Variants in XAGE2 observed in about 807,000 individuals in gnomAD.
XAGE2 encodes G antigen family D member 3.
In XAGE2, 7 loss-of-function variants were observed where a neutral mutation model predicts 9.9. That is an observed-to-expected ratio of 0.71 (90% CI 0.40 to 1.32). The LOEUF is 1.32. XAGE2 is among the 40% of genes most tolerant of loss of function. The probability of loss-of-function intolerance (pLI) is 0.01; values close to 1 mark genes in which losing one functional copy is unlikely to be tolerated. For synonymous variants in XAGE2, 31 were observed against 26.8 expected (o/e 1.16, Z -0.48); for missense variants, 85 against 81.0 (o/e 1.05, Z -0.19).
In XAGE2 at chrX:52,375,619, T is replaced by G; in HGVS notation, c.*28T>G. The G allele has an allele frequency of 8.5e-7, 1 of 1,170,023 alleles. No homozygotes were observed. The highest frequency in any genetic ancestry group is 2.2e-5 in the Admixed American group (1 of 45,337). ...GAAGATAAGCTGAAACAACACAAAC[T>G]GTTTTTATATTAGATATTTTACTTT... On this transcript the variant is annotated 3_prime_UTR_variant, in exon 5 of 5. Transcript: ENST00000286049.
At chrX:52,369,957 A>G in intron 1 of XAGE2, 50 bp from the exon 2 acceptor site, 6 of 1,147,418 alleles carry the variant, frequency 5.2e-6, no homozygotes, top group Non-Finnish European at 7.2e-6. Context: ...GTGGTCAAAT[A>G]CAGCTATCCT....
chrX:52,373,144 C>A (rs1041611345), intron 4 of XAGE2, among the ~76,000 whole-genome samples: 40 of 112,136 alleles, frequency 3.6e-4, no homozygotes, highest in Non-Finnish European at 6.6e-4. Flanking sequence ...CGTTTCAATG[C>A]TGATTTCTGC....
At chrX:52,375,534 C>A (rs966460026) in intron 4 of XAGE2, 35 bp from the exon 5 acceptor site, 8 of 1,195,045 alleles carry the variant, frequency 6.7e-6, no homozygotes, top group Non-Finnish European at 6.8e-6. Flanking sequence ...TACAGTTCTG[C>A]TAGTAATGTT....
intron 3 of XAGE2, among the ~76,000 whole-genome samples, chrX:52,371,004 G>C (rs1274576970): frequency 1.8e-5 from 2 of 111,609 alleles, no homozygotes; most frequent in Non-Finnish European, 3.8e-5. Flanking sequence ...TGTATGATTG[G>C]CTCAGCCATG....
intron 2 of XAGE2, among the ~76,000 whole-genome samples, chrX:52,370,297 C>T (rs1921158587): frequency 8.9e-6 from 1 of 112,093 alleles, no homozygotes; most frequent in East Asian, 2.8e-4. Context: ...TCATGACTTC[C>T]TCCTCATGCT....
intron 4 of XAGE2, among the ~76,000 whole-genome samples, chrX:52,374,963 C>G (rs889862112): frequency 3.6e-5 from 4 of 111,479 alleles, no homozygotes. Context: ...TTTACCATAC[C>G]TTAATATCTA....
intron 3 of XAGE2, among the ~76,000 whole-genome samples, chrX:52,371,216 C>T (rs1372175225): frequency 8.9e-6 from 1 of 112,297 alleles, no homozygotes; most frequent in African/African-American, 3.2e-5. Flanking sequence ...GGTCTGTGTT[C>T]TTCCTAACAT....
At chrX:52,374,771 T>C (rs1921273811) in intron 4 of XAGE2, among the ~76,000 whole-genome samples, 1 of 111,450 alleles carries the variant, frequency 9.0e-6, no homozygotes, top group Non-Finnish European at 1.9e-5. Context: ...TTTCCGTTTC[T>C]TTTTTTTCGT....
chrX:52,370,318 A>C (rs1447051296), intron 2 of XAGE2, among the ~76,000 whole-genome samples: 4 of 112,241 alleles, frequency 3.6e-5, no homozygotes, highest in Non-Finnish European at 7.5e-5. Flanking sequence ...TACTGATAAC[A>C]GATTGCACAC....
Position 52,373,009 on chromosome X carries a change from G to T in XAGE2, c.313+340G>T, listed in dbSNP as rs1436628280. On this transcript the variant is annotated intron_variant, in intron 4 of 4. Coordinates refer to ENST00000286049, the MANE Select transcript of XAGE2 (RefSeq NM_130777.3). ...TACCAGACTGTGTGAAATATGCTGAGTACTGAAGGAGATTCTAGTAGCAGC... is the reference window on the plus strand; with the variant it reads ...TACCAGACTGTGTGAAATATGCTGATTACTGAAGGAGATTCTAGTAGCAGC... Among the ~76,000 whole-genome samples, 12 of 112,583 alleles carry T rather than the reference G, an allele frequency of 1.1e-4. No homozygotes were observed. In the East Asian group the frequency reaches 3.3e-3, roughly 31 times the overall value.
intron 4 of XAGE2, 121 bp downstream of exon 4, chrX:52,372,790 T>C (rs1312006437): frequency 1.0e-6 from 1 of 960,022 alleles, no homozygotes; most frequent in Non-Finnish European, 1.5e-6. Flanking sequence ...CACACTTTCT[T>C]TGAAAGGTAC....
At chrX:52,375,063 C>T (rs1024938228) in intron 4 of XAGE2, among the ~76,000 whole-genome samples, 28 of 111,775 alleles carry the variant, frequency 2.5e-4, no homozygotes, top group Non-Finnish European at 2.6e-4. Flanking sequence ...CTATTCACCA[C>T]GCATATGCAG....
intron 3 of XAGE2, 101 bp downstream of exon 3, chrX:52,370,773 G>A (rs1921170583): frequency 3.6e-6 from 3 of 826,848 alleles, no homozygotes; most frequent in African/African-American, 2.1e-5. Flanking sequence ...GAAAACATTA[G>A]GAAAGGATCT....
intron 2 of XAGE2, 60 bp downstream of exon 2, chrX:52,370,155 G>A: frequency 1.9e-6 from 2 of 1,074,808 alleles, no homozygotes; most frequent in African/African-American, 1.8e-5. Flanking sequence ...TGATAGTGTT[G>A]TTGAACTAGT....
chrX:52,370,152 G>A, intron 2 of XAGE2, 57 bp downstream of exon 2: 1 of 1,079,093 alleles, frequency 9.3e-7, no homozygotes, highest in Non-Finnish European at 1.3e-6. Context: ...TTGTGATAGT[G>A]TTGTTGAACT....
chrX:52,372,083 G>C (rs1921205748), intron 3 of XAGE2, among the ~76,000 whole-genome samples: 1 of 111,610 alleles, frequency 9.0e-6, no homozygotes, highest in African/African-American at 3.3e-5. Context: ...AGGTACATTG[G>C]CTCACACCTG....
rs1338667601 is a variant in XAGE2, at chrX:52,369,144, G to GTCTGGAC, written c.-75_-69dup. On this transcript the variant is annotated 5_prime_UTR_variant, in exon 1 of 5. Coordinates refer to ENST00000286049, the MANE Select transcript of XAGE2 (RefSeq NM_130777.3). Reference sequence around the variant, plus strand: ...AGAGTGTGAGGGGCACGTTCCAGCCGTCTGGACTCTTTCTCTCCTACTGAG... The same window carrying GTCTGGAC: ...AGAGTGTGAGGGGCACGTTCCAGCCGTCTGGACTCTGGACTCTTTCTCTCCTACTGAG... 4.5e-5 allele frequency: 5 copies of GTCTGGAC among 110,710 alleles called. No homozygotes were observed. The highest frequency in any genetic ancestry group is 1.6e-4 in the African/African-American group (5 of 30,516). The allele number at this position is 110,710 out of a possible 1,213,427, so 9.1% of individuals were successfully genotyped here.
At chrX:52,371,363 C>A (rs1166809608) in intron 3 of XAGE2, among the ~76,000 whole-genome samples, 2 of 112,075 alleles carry the variant, frequency 1.8e-5, no homozygotes, top group African/African-American at 6.5e-5. Flanking sequence ...GAAAAGGGCT[C>A]AATGAATGAC....
At chrX:52,374,021 C>T (rs1350370930) in intron 4 of XAGE2, among the ~76,000 whole-genome samples, 1 of 111,089 alleles carries the variant, frequency 9.0e-6, no homozygotes, top group African/African-American at 3.3e-5. Context: ...GAAAGAGGTA[C>T]TTAATAACAG....
Sources: gnomAD v4.1 joint callset for allele counts (sites outside exome capture counted in the v4.1 genomes callset) on GRCh38, gnomAD v4.1.1 for gene constraint, MANE v1.5 for transcripts, NCBI Gene and HGNC (gene_info 2026-07-23, HGNC 2026-07-21) for gene names.